GRIK1: variants seen among roughly 807,000 people sequenced by gnomAD.
GRIK1 encodes the protein glutamate receptor ionotropic, kainate 1.
A neutral mutation model predicts 105.7 loss-of-function variants in GRIK1; 69 were observed. The observed-to-expected ratio is 0.65, with a 90% CI of 0.54 to 0.80. The LOEUF (loss-of-function observed/expected upper bound fraction) is 0.80. GRIK1 is among the 30% of genes least tolerant of loss of function. The pLI is 0.00. For missense variants in GRIK1, 1,109 were observed against 1,167.3 expected (o/e 0.95, Z 0.73); for synonymous variants, 438 against 431.3 (o/e 1.02, Z -0.19).
chr21:29,880,108 C>T (rs527956455), intron 1 of GRIK1, among the ~76,000 whole-genome samples: 1 of 152,200 alleles, frequency 6.6e-6, no homozygotes, highest in African/African-American at 2.4e-5. Flanking sequence ...CACTGTATTT[C>T]AAACATAGCA....
chr21:29,878,280 G>A (rs1442833788), intron 1 of GRIK1, among the ~76,000 whole-genome samples: 1 of 152,152 alleles, frequency 6.6e-6, no homozygotes, highest in Non-Finnish European at 1.5e-5. Flanking sequence ...AAGGAAGTGA[G>A]GTTGAGGTGA....
At chr21:29,763,143 A>G (rs772155463) in intron 1 of GRIK1, among the ~76,000 whole-genome samples, 2 of 152,138 alleles carry the variant, frequency 1.3e-5, no homozygotes, top group Non-Finnish European at 2.9e-5. Flanking sequence ...GTGGGAAGTG[A>G]CTGGATCATG....
intron 1 of GRIK1, among the ~76,000 whole-genome samples, chr21:29,837,544 G>T (rs1222870983): frequency 6.6e-6 from 1 of 152,120 alleles, no homozygotes; most frequent in Non-Finnish European, 1.5e-5. Flanking sequence ...ACCAATGGGG[G>T]GGAATGACAG....
At chr21:29,767,917 A>G (rs1228254923) in intron 1 of GRIK1, among the ~76,000 whole-genome samples, 1 of 151,058 alleles carries the variant, frequency 6.6e-6, no homozygotes, top group Non-Finnish European at 1.5e-5. Context: ...TATTCCATGT[A>G]ATGGAAAGAC....
chr21:29,644,170 A>G (rs561457182), intron 6 of GRIK1, among the ~76,000 whole-genome samples: 1 of 152,298 alleles, frequency 6.6e-6, no homozygotes, highest in South Asian at 2.1e-4. Context: ...GAAAGTGAGG[A>G]CAGGGGTTAC....
At chr21:29,883,308 G>A (rs146976859) in intron 1 of GRIK1, among the ~76,000 whole-genome samples, 1 of 152,160 alleles carries the variant, frequency 6.6e-6, no homozygotes, top group East Asian at 1.9e-4. Flanking sequence ...GATAATAAGT[G>A]CAATAGAGGC....
chr21:29,544,809 C>T (rs1011794), intron 16 of GRIK1, among the ~76,000 whole-genome samples: 98,479 of 152,086 alleles, frequency 0.65, 32,509 homozygotes, highest in Middle Eastern at 0.74. Flanking sequence ...AGGGTTGTCT[C>T]GTAGCTGCTC....
intron 14 of GRIK1, among the ~76,000 whole-genome samples, chr21:29,571,204 A>C (rs970761391): frequency 6.6e-6 from 1 of 151,932 alleles, no homozygotes; most frequent in Non-Finnish European, 1.5e-5. Context: ...CACACACACA[A>C]AATATTAACT....
intron 7 of GRIK1, among the ~76,000 whole-genome samples, chr21:29,605,015 G>A (rs2061585289): frequency 6.6e-6 from 1 of 152,048 alleles, no homozygotes. Context: ...TAGTTAAAAT[G>A]ATTTCTTTTA....
At chr21:29,873,260 A>G (rs1388079939) in intron 1 of GRIK1, among the ~76,000 whole-genome samples, 1 of 152,222 alleles carries the variant, frequency 6.6e-6, no homozygotes, top group Non-Finnish European at 1.5e-5. Flanking sequence ...TAGTTTAAAT[A>G]GCATTCCAAA....
chr21:29,918,040 G>C (rs892090288), intron 1 of GRIK1, among the ~76,000 whole-genome samples: 9 of 151,976 alleles, frequency 5.9e-5, no homozygotes, highest in African/African-American at 2.2e-4. Context: ...TAAATAGATA[G>C]ATTAATGGAT....
At chr21:29,661,313 A>G (rs372675826) in intron 4 of GRIK1, among the ~76,000 whole-genome samples, 5 of 152,228 alleles carry the variant, frequency 3.3e-5, no homozygotes, top group African/African-American at 4.8e-5. Context: ...TCCAGAACCA[A>G]TGGAATATGT....
intron 1 of GRIK1, among the ~76,000 whole-genome samples, chr21:29,904,334 C>T (rs961268907): frequency 6.7e-6 from 1 of 150,344 alleles, no homozygotes; most frequent in Non-Finnish European, 1.5e-5. Context: ...AAAAAGGACT[C>T]AAATAACCTA....
intron 2 of GRIK1, among the ~76,000 whole-genome samples, chr21:29,693,429 GA>G (rs2063623638): frequency 6.6e-6 from 1 of 152,146 alleles, no homozygotes; most frequent in South Asian, 2.1e-4. Context: ...TGATTTTGTG[GA>G]AAAGAGTAAA....
intron 7 of GRIK1, among the ~76,000 whole-genome samples, chr21:29,610,706 T>C (rs878909403): frequency 2.6e-5 from 4 of 152,176 alleles, no homozygotes; most frequent in Admixed American, 2.0e-4. Context: ...GAGAATTAAT[T>C]TGTGTTGCTT....
At chr21:29,735,822 G>A (rs955705742) in intron 1 of GRIK1, among the ~76,000 whole-genome samples, 1 of 142,270 alleles carries the variant, frequency 7.0e-6, no homozygotes, top group Admixed American at 7.4e-5. Context: ...ACTCCAGCCT[G>A]GGCGACAGAG....
chr21:29,718,413 A>G (rs777035315), intron 1 of GRIK1, among the ~76,000 whole-genome samples: 1 of 152,206 alleles, frequency 6.6e-6, no homozygotes, highest in Admixed American at 6.5e-5. Context: ...AAACACTCAT[A>G]TGCGTCTAAA....
At chr21:29,708,453 C>A (rs1218957862) in intron 1 of GRIK1, among the ~76,000 whole-genome samples, 1 of 152,166 alleles carries the variant, frequency 6.6e-6, no homozygotes, top group East Asian at 1.9e-4. Context: ...TTTATAATTA[C>A]AAATACATTA....
intron 1 of GRIK1, among the ~76,000 whole-genome samples, chr21:29,827,327 C>A (rs369468077): frequency 2.6e-5 from 4 of 152,086 alleles, no homozygotes; most frequent in African/African-American, 9.6e-5. Context: ...AATAGAAGAA[C>A]AGATTAATGG....
Sources: gnomAD v4.1 joint callset for allele counts (sites outside exome capture counted in the v4.1 genomes callset) on GRCh38, gnomAD v4.1.1 for gene constraint, MANE v1.5 for transcripts, NCBI Gene and HGNC (gene_info 2026-07-23, HGNC 2026-07-21) for gene names.